The following FGF13 variants were observed in gnomAD, a reference collection of about 807,000 sequenced individuals.
FGF13 encodes the protein fibroblast growth factor homologous factor 2.
A neutral mutation model predicts 19.5 loss-of-function variants in FGF13; 2 were observed. The ratio of observed to expected loss-of-function variants is 0.10; its 90% CI spans 0.04 to 0.32. The LOEUF (loss-of-function observed/expected upper bound fraction) is 0.32. Ranked by LOEUF, FGF13 falls within the 10% of genes least tolerant of loss-of-function variation. The pLI, the probability that FGF13 is intolerant of heterozygous loss-of-function variation, is 1.00. For missense variants in FGF13, 113 were observed against 192.7 expected (o/e 0.59, Z 2.45); for synonymous variants, 72 against 76.9 (o/e 0.94, Z 0.33).
At chrX:138,747,872 C>A (rs1425973905) in intron 3 of FGF13, among the ~76,000 whole-genome samples, 1 of 111,180 alleles carries the variant, frequency 9.0e-6, no homozygotes, top group African/African-American at 3.3e-5. Context: ...CTTTTGGAGG[C>A]CTGGTACCTT....
intron 3 of FGF13, among the ~76,000 whole-genome samples, chrX:138,697,712 TA>T (rs1243566389): frequency 9.0e-6 from 1 of 110,932 alleles, no homozygotes; most frequent in East Asian, 2.8e-4. Flanking sequence ...CATTCCAAAA[TA>T]AAAAAAATAA....
At chrX:139,146,928 T>C (rs979295081) in intron 1 of FGF13, among the ~76,000 whole-genome samples, 29 of 106,270 alleles carry the variant, frequency 2.7e-4, no homozygotes, top group African/African-American at 8.6e-4. Flanking sequence ...ATAAGAACAC[T>C]TGGACACACG....
chrX:138,632,632 A>C lies in FGF13; in HGVS notation c.*218T>G, dbSNP rs951914291. On this transcript the variant is annotated 3_prime_UTR_variant, in exon 5 of 5. Transcript: ENST00000315930. ...GTCCTTCTCTCAGATTTAGTTCACT[A>C]AAATGCTTGGCATTCTTATGCACAA... 8.7e-6 allele frequency: 3 copies of C among 343,382 alleles called. No individual in the cohort carries two copies. Among genetic ancestry groups the C allele is most frequent in the African/African-American group, 7.6e-5 (3 of 39,263 alleles). The allele number at this position is 343,382 out of a possible 1,213,427, so 28.3% of individuals were successfully genotyped here.
chrX:139,203,072 G>A (rs1401643036), intron 1 of FGF13, among the ~76,000 whole-genome samples: 1 of 112,386 alleles, frequency 8.9e-6, no homozygotes, highest in Non-Finnish European at 1.9e-5. Flanking sequence ...AGCTAATCCC[G>A]GTCCTGAGAA....
chrX:138,803,978 G>GA (rs750401836), intron 3 of FGF13, among the ~76,000 whole-genome samples: 115 of 109,348 alleles, frequency 1.1e-3, no homozygotes, highest in Non-Finnish European at 1.7e-3. Flanking sequence ...AGAAGCAAAT[G>GA]AAAAAAAAAT....
chrX:139,100,675 C>T (rs999683217), intron 1 of FGF13, among the ~76,000 whole-genome samples: 2 of 111,688 alleles, frequency 1.8e-5, no homozygotes, highest in African/African-American at 3.3e-5. Flanking sequence ...CCTCCACTAG[C>T]CAAGAAAGGT....
At chrX:139,159,859 A>G (rs766793448) in intron 1 of FGF13, among the ~76,000 whole-genome samples, 45 of 111,111 alleles carry the variant, frequency 4.0e-4, no homozygotes, top group Non-Finnish European at 7.2e-4. Context: ...AGAGACCTAC[A>G]AAGAGAATTA....
intron 3 of FGF13, among the ~76,000 whole-genome samples, chrX:138,694,457 T>C (rs1156310072): frequency 5.2e-5 from 5 of 95,406 alleles, no homozygotes; most frequent in African/African-American, 1.5e-4. Context: ...TTTTCTTTTT[T>C]TTTTTTTTTT....
At chrX:138,749,618 C>A (rs1273338662) in intron 3 of FGF13, among the ~76,000 whole-genome samples, 1 of 111,083 alleles carries the variant, frequency 9.0e-6, no homozygotes, top group Non-Finnish European at 1.9e-5. Flanking sequence ...TTCACAAGTA[C>A]AAAGACATAC....
chrX:139,154,656 C>T (rs2213408), intron 1 of FGF13, among the ~76,000 whole-genome samples: 29,985 of 110,872 alleles, frequency 0.27, 3,209 homozygotes, highest in East Asian at 0.52. Flanking sequence ...AGACAAAACA[C>T]GCAATCTGCA....
intron 1 of FGF13, among the ~76,000 whole-genome samples, chrX:138,945,940 G>A (rs2091779867): frequency 9.0e-6 from 1 of 111,043 alleles, no homozygotes; most frequent in African/African-American, 3.3e-5. Flanking sequence ...CCTAAGGAAT[G>A]GATTCCTCCA....
At chrX:138,952,797 C>T (rs1430046335) in intron 1 of FGF13, among the ~76,000 whole-genome samples, 3 of 111,557 alleles carry the variant, frequency 2.7e-5, no homozygotes, top group African/African-American at 9.8e-5. Flanking sequence ...CAAAAGAAGA[C>T]ATTTATGCAG....
At chrX:138,954,659 A>G (rs1237208261) in intron 1 of FGF13, among the ~76,000 whole-genome samples, 3 of 111,673 alleles carry the variant, frequency 2.7e-5, no homozygotes, top group Non-Finnish European at 5.6e-5. Flanking sequence ...TTAGAATTCA[A>G]TCATAAAATA....
At position 138,703,061 on chromosome X, in the gene FGF13, G is replaced by A; in HGVS notation, c.325C>T (p.Leu109=). The A allele has an allele frequency of 8.3e-7, 1 of 1,205,770 alleles. No individual in the cohort carries two copies. Among genetic ancestry groups the A allele is most frequent in the Non-Finnish European group, 1.1e-6 (1 of 889,988 alleles). The change falls in exon 3 of 5, where the codon CTG becomes TTG. Residue 109 remains leucine, a synonymous_variant. Coordinates refer to ENST00000315930, the MANE Select transcript of FGF13 (RefSeq NM_004114.5). ...ACTCCTTGGATAGCCACCACTCGCAGACCCACAGGGATGAGGTTAAACAGA... is the reference window on the plus strand; with the variant it reads ...ACTCCTTGGATAGCCACCACTCGCAAACCCACAGGGATGAGGTTAAACAGA... ...YTLFNLIPVG[L]RVVAIQGVQT... is the part of the protein sequence containing the mutation.
intron 1 of FGF13, among the ~76,000 whole-genome samples, chrX:139,152,342 G>C (rs915597163): frequency 2.0e-5 from 2 of 98,544 alleles, no homozygotes; most frequent in Non-Finnish European, 4.4e-5. Context: ...AAAAAACGAC[G>C]AGGCCAGTAT....
In FGF13 at chrX:138,901,572, G is replaced by A. The variant is rs576987988; in HGVS notation, c.-112-36922C>T. On this transcript the variant is annotated intron_variant, in intron 1 of 2. Transcript: ENST00000421460. ...CACCTAGACTCTCTTGAATCTCTGA[G>A]CCTTTGGATATAAAGTGTTTCCTTT... Among the ~76,000 whole-genome samples the A allele has an allele frequency of 4.1e-4, 46 of 111,663 alleles. 2 individuals are homozygous for A. The South Asian group carries it at 0.018, about 43-fold the overall frequency.
chrX:138,955,840 G>C (rs2091838530), intron 1 of FGF13, among the ~76,000 whole-genome samples: 1 of 112,088 alleles, frequency 8.9e-6, no homozygotes, highest in Non-Finnish European at 1.9e-5. Context: ...AAAGGGGTCT[G>C]TGCACTGCCT....
chrX:139,160,733 C>A lies in FGF13; in HGVS notation c.-113+42683G>T, dbSNP rs1177216526. Among the ~76,000 whole-genome samples the A allele has an allele frequency of 2.7e-5, 3 of 111,990 alleles. No homozygotes were observed. The Admixed American group carries it at 2.8e-4, about 11-fold the overall frequency. On this transcript the variant is annotated intron_variant, in intron 1 of 2. Coordinates refer to the FGF13 transcript ENST00000421460. ...CTATAAACACCTCTATGCAAATAAA[C>A]TAGAAAATCTAGAAGAAATGGTTAA... is the stretch of plus-strand genomic sequence containing the variant.
intron 1 of FGF13, among the ~76,000 whole-genome samples, chrX:139,064,951 C>T (rs1019966692): frequency 1.3e-4 from 14 of 111,309 alleles, no homozygotes; most frequent in Admixed American, 8.6e-4. Flanking sequence ...CTTTCTTCCT[C>T]TTGATCAATT....
Sources: gnomAD v4.1 joint callset for allele counts (sites outside exome capture counted in the v4.1 genomes callset) on GRCh38, gnomAD v4.1.1 for gene constraint, MANE v1.5 for transcripts, NCBI Gene and HGNC (gene_info 2026-07-23, HGNC 2026-07-21) for gene names.